The following DCP1A variants were observed in gnomAD, a reference collection of about 807,000 sequenced individuals.
DCP1A encodes mRNA-decapping enzyme 1A.
In DCP1A, 20 loss-of-function variants were observed where a neutral mutation model predicts 58.0. The observed-to-expected ratio is 0.34, with a 90% CI of 0.24 to 0.50. The LOEUF (loss-of-function observed/expected upper bound fraction) is 0.50. Among genes scored for constraint, DCP1A ranks in the 20% least tolerant of loss-of-function variants. The probability of loss-of-function intolerance (pLI) is 0.98; values close to 1 mark genes in which losing one functional copy is unlikely to be tolerated. For synonymous variants in DCP1A, 285 were observed against 275.1 expected (o/e 1.04, Z -0.36); for missense variants, 613 against 712.2 (o/e 0.86, Z 1.59).
rs782741683 is a variant in DCP1A, at chr3:53,292,183, C to T, written c.1269G>A (p.Pro423=). 21 of 1,613,826 alleles carry T rather than the reference C, an allele frequency of 1.3e-5. No homozygotes were observed. The Admixed American group carries it at 1.3e-4, about 10-fold the overall frequency. ...GKGAMVASFS[P]AAGQLATPES... ...CAGGTGTGGCTAGCTGACCAGCTGC[C>T]GGAGAAAAGCTGGCTACCATTGCAC... Residue 423 remains proline, a synonymous_variant, in exon 7 of 10, where the codon CCG becomes CCA. Transcript: ENST00000610213.
intron 3 of DCP1A, chr3:53,329,150 G>A: frequency 2.6e-6 from 1 of 390,512 alleles, no homozygotes. Context: ...TTAAAAGTCT[G>A]AAGATTTGCT....
At chr3:53,324,070 C>T (rs1236775469) in intron 3 of DCP1A, among the ~76,000 whole-genome samples, 1 of 152,176 alleles carries the variant, frequency 6.6e-6, no homozygotes, top group Non-Finnish European at 1.5e-5. Flanking sequence ...TTTAAGATGT[C>T]CTCTTTTCCT....
intron 3 of DCP1A, chr3:53,338,107 C>A (rs1553692132): frequency 2.3e-6 from 1 of 429,750 alleles, no homozygotes; most frequent in Non-Finnish European, 4.7e-6. Context: ...GAATCTCGAG[C>A]AGATTCCTAA....
chr3:53,296,138 G>A (rs1440438027), intron 6 of DCP1A, among the ~76,000 whole-genome samples: 2 of 152,038 alleles, frequency 1.3e-5, no homozygotes, highest in Non-Finnish European at 2.9e-5. Context: ...CAGGTGATCT[G>A]CGTGCCGCGG....
chr3:53,314,670 T>TTTC (rs1553689021), intron 4 of DCP1A, among the ~76,000 whole-genome samples: 3 of 134,782 alleles, frequency 2.2e-5, no homozygotes, highest in Admixed American at 8.2e-5. Context: ...TCTTTTTCTT[T>TTTC]TTTTTTTTTT....
intron 3 of DCP1A, among the ~76,000 whole-genome samples, chr3:53,323,743 T>C (rs1033343957): frequency 1.3e-5 from 2 of 150,128 alleles, no homozygotes; most frequent in Non-Finnish European, 2.9e-5. Context: ...ATGTTTATAA[T>C]CCCAGCTACT....
intron 3 of DCP1A, among the ~76,000 whole-genome samples, chr3:53,321,215 T>C (rs1478429980): frequency 1.3e-5 from 2 of 152,260 alleles, no homozygotes; most frequent in African/African-American, 2.4e-5. Flanking sequence ...GACCAGATCA[T>C]CCTCTTTCTA....
At chr3:53,319,758 T>G (rs1191920150) in intron 3 of DCP1A, among the ~76,000 whole-genome samples, 1 of 152,210 alleles carries the variant, frequency 6.6e-6, no homozygotes, top group Non-Finnish European at 1.5e-5. Context: ...CCATTATTTA[T>G]GTACTATCAA....
At chr3:53,342,080 A>ACC (rs2089215310) in intron 3 of DCP1A, 64 bp downstream of exon 3, 4 of 1,382,676 alleles carry the variant, frequency 2.9e-6, no homozygotes, top group African/African-American at 1.5e-5. Flanking sequence ...TAAATAATGG[A>ACC]TTGATAGAAA....
intron 5 of DCP1A, among the ~76,000 whole-genome samples, chr3:53,306,141 T>C (rs1211526900): frequency 6.6e-6 from 1 of 152,172 alleles, no homozygotes; most frequent in Admixed American, 6.5e-5. Flanking sequence ...CAGGAGTAGG[T>C]ACTCAAATAT....
chr3:53,344,402 T>C (rs145143834), intron 2 of DCP1A, among the ~76,000 whole-genome samples: 298 of 152,312 alleles, frequency 2.0e-3, no homozygotes, highest in African/African-American at 5.0e-3. Context: ...CCATCATGAA[T>C]AATCCAAGCT....
intron 6 of DCP1A, among the ~76,000 whole-genome samples, chr3:53,302,936 TTTAAATTAAA>T: frequency 6.6e-6 from 1 of 150,612 alleles, no homozygotes; most frequent in East Asian, 2.0e-4. Flanking sequence ...TTATTTTATT[TTTAAATTAAA>T]TTAAATTAAA....
At chr3:53,337,706 A>G (rs2089140735) in intron 3 of DCP1A, among the ~76,000 whole-genome samples, 1 of 152,262 alleles carries the variant, frequency 6.6e-6, no homozygotes, top group African/African-American at 2.4e-5. Context: ...AATAGGACGC[A>G]TAAAAATCTA....
intron 3 of DCP1A, among the ~76,000 whole-genome samples, chr3:53,332,500 T>G (rs1553691428): frequency 2.0e-5 from 3 of 152,358 alleles, no homozygotes; most frequent in African/African-American, 7.2e-5. Context: ...CTGCATATTG[T>G]ACCTCCCCTT....
chr3:53,300,312 C>T (rs1553687279), intron 6 of DCP1A, among the ~76,000 whole-genome samples: 1 of 150,508 alleles, frequency 6.6e-6, no homozygotes. Flanking sequence ...ACTCATTTTT[C>T]ATCTTTCAAT....
chr3:53,288,366 A>G, intron 8 of DCP1A, 83 bp from the exon 9 acceptor site: 1 of 1,079,186 alleles, frequency 9.3e-7, no homozygotes, highest in South Asian at 1.4e-5. Context: ...GGAAACAGGC[A>G]TAAGCAGCAG....
intron 3 of DCP1A, among the ~76,000 whole-genome samples, chr3:53,335,794 ATCT>A (rs1458776561): frequency 2.3e-4 from 35 of 152,098 alleles, no homozygotes; most frequent in South Asian, 1.9e-3. Flanking sequence ...AATTTTTCAA[ATCT>A]TCCTTTTTTT....
At position 53,292,678 on chromosome 3, in the gene DCP1A, T is replaced by C. The variant is rs368916174; in HGVS notation, c.774A>G (p.Leu258=). The C allele has an allele frequency of 5.6e-6, 9 of 1,613,614 alleles. No individual in the cohort carries two copies. In the African/African-American group the frequency reaches 6.7e-5, roughly 12 times the overall value. ...DASQKEPNSF[L]PFPFEQLGGA... Reference sequence around the variant, plus strand: ...CTCCTAACTGCTCAAAGGGAAATGGTAGGAATGAATTGGGCTCTTTCTGGG... The same window carrying C: ...CTCCTAACTGCTCAAAGGGAAATGGCAGGAATGAATTGGGCTCTTTCTGGG... The change falls in exon 7 of 10, where the codon CTA becomes CTG. Residue 258 remains leucine, a synonymous_variant. Coordinates refer to ENST00000610213, the MANE Select transcript of DCP1A (RefSeq NM_018403.7).
At chr3:53,293,907 T>C (rs782792684) in intron 6 of DCP1A, among the ~76,000 whole-genome samples, 3 of 152,040 alleles carry the variant, frequency 2.0e-5, no homozygotes, top group Non-Finnish European at 4.4e-5. Context: ...CCAGGACAAC[T>C]GGTAAGGGCC....
Sources: allele counts gnomAD v4.1 joint callset (sites outside exome capture counted in the v4.1 genomes callset), GRCh38; gene constraint gnomAD v4.1.1; transcripts MANE v1.5; gene names NCBI Gene and HGNC (gene_info 2026-07-23, HGNC 2026-07-21).